FBXL2: variants seen among roughly 807,000 people sequenced by gnomAD.
The protein encoded by FBXL2 is F-box and leucine rich repeat protein 2.
FBXL2 carries 38 observed loss-of-function variants against 69.2 expected under a neutral mutation model. The ratio of observed to expected loss-of-function variants is 0.55; its 90% CI spans 0.42 to 0.72. The LOEUF (loss-of-function observed/expected upper bound fraction) is 0.72. FBXL2 is among the 30% of genes least tolerant of loss of function. FBXL2 has a pLI of 0.00. For synonymous variants in FBXL2, 192 were observed against 201.3 expected (o/e 0.95, Z 0.39); for missense variants, 354 against 520.3 (o/e 0.68, Z 3.11).
intron 12 of FBXL2, among the ~76,000 whole-genome samples, chr3:33,395,826 T>G (rs1470066168): frequency 1.4e-5 from 2 of 147,862 alleles, no homozygotes; most frequent in East Asian, 3.9e-4. Context: ...CAGTGTTATA[T>G]TCATCATTTC....
intron 5 of FBXL2, among the ~76,000 whole-genome samples, chr3:33,369,953 A>C (rs1331817809): frequency 6.6e-6 from 1 of 152,160 alleles, no homozygotes; most frequent in Admixed American, 6.5e-5. Context: ...TATACACCCA[A>C]GTAGTTGCTA....
At chr3:33,357,497 C>T (rs1325623635) in intron 2 of FBXL2, among the ~76,000 whole-genome samples, 1 of 150,462 alleles carries the variant, frequency 6.6e-6, no homozygotes, top group African/African-American at 2.4e-5. Flanking sequence ...ATTTTAGCCA[C>T]CAGCATTTTT....
At chr3:33,322,244 A>G (rs886351968) in intron 2 of FBXL2, among the ~76,000 whole-genome samples, 1 of 151,610 alleles carries the variant, frequency 6.6e-6, no homozygotes, top group African/African-American at 2.4e-5. Flanking sequence ...TGCCTGGCTA[A>G]TTCTTTTATA....
chr3:33,392,963 T>A (rs905504639), downstream of FBXL2: 4 of 313,650 alleles, frequency 1.3e-5, no homozygotes, highest in Admixed American at 4.9e-5. Flanking sequence ...ATATCTTACA[T>A]GTTTTTTTAA....
chr3:33,297,884 G>C (rs1237042667), intron 2 of FBXL2, 159 bp downstream of exon 2: 1 of 665,222 alleles, frequency 1.5e-6, no homozygotes, highest in Non-Finnish European at 2.8e-6. Context: ...TGTTCAGCTT[G>C]TTGTTAAATT....
At chr3:33,396,276 C>G in intron 12 of FBXL2, 1 of 1,575,310 alleles carries the variant, frequency 6.3e-7, no homozygotes, top group Non-Finnish European at 8.7e-7. Flanking sequence ...CGGGGTCTAA[C>G]CGACCTGCAA....
chr3:33,374,648 C>G (rs17805850), intron 9 of FBXL2, among the ~76,000 whole-genome samples: 1 of 152,102 alleles, frequency 6.6e-6, no homozygotes, highest in Non-Finnish European at 1.5e-5. Flanking sequence ...CCTTGACTTA[C>G]GTGTAGCATA....
intron 2 of FBXL2, among the ~76,000 whole-genome samples, chr3:33,314,239 C>A (rs1359145900): frequency 6.6e-6 from 1 of 152,152 alleles, no homozygotes; most frequent in African/African-American, 2.4e-5. Flanking sequence ...AATGACACAT[C>A]TGTCACCACT....
chr3:33,416,021 A>ATCCACAGAGGGCAGGTCTT, the FBXL2 span: 1 of 152,204 alleles, frequency 6.6e-6, no homozygotes, highest in Non-Finnish European at 1.5e-5. Flanking sequence ...AAAAAGGCAG[A>ATCCACAGAGGGCAGGTCTT]TCCACAGAGG....
chr3:33,339,553 TGGAGGGTAAGA>T (rs889386785), intron 2 of FBXL2, among the ~76,000 whole-genome samples: 5 of 152,012 alleles, frequency 3.3e-5, no homozygotes, highest in African/African-American at 1.2e-4. Context: ...CTTCTTGGGG[TGGAGGGTAAGA>T]GGAGGGTGAG....
In FBXL2 at chr3:33,327,867, G is replaced by A. The variant is rs528698326; in HGVS notation, c.65+30142G>A. Among the ~76,000 whole-genome samples, 17 of 150,388 alleles carry A rather than the reference G, an allele frequency of 1.1e-4. No homozygotes were observed. In the South Asian group the frequency reaches 3.6e-3, roughly 32 times the overall value. ...CAGTGCAATAATTAGGCAAAAGAAA[G>A]AAAGGGCATCCAAATTGGAAAGGAA... On this transcript the variant is annotated intron_variant, in intron 2 of 14. Coordinates refer to ENST00000484457, the MANE Select transcript of FBXL2 (RefSeq NM_012157.5).
chr3:33,372,840 G>A, intron 5 of FBXL2: 1 of 582,436 alleles, frequency 1.7e-6, no homozygotes, highest in South Asian at 2.1e-5. Flanking sequence ...GGTAGTCTAG[G>A]ACTCTGCTTC....
the FBXL2 span, chr3:33,411,446 C>G: frequency 1.4e-6 from 1 of 696,532 alleles, no homozygotes; most frequent in South Asian, 2.0e-5. Context: ...TTAAACCTAA[C>G]TATGTATATA....
chr3:33,370,257 A>G (rs2042204611), intron 5 of FBXL2, among the ~76,000 whole-genome samples: 1 of 151,856 alleles, frequency 6.6e-6, no homozygotes, highest in Non-Finnish European at 1.5e-5. Flanking sequence ...TACTAAAAAT[A>G]CAAAAAAAAA....
chr3:33,385,058 C>A (rs1324046958), intron 14 of FBXL2, among the ~76,000 whole-genome samples: 1 of 152,090 alleles, frequency 6.6e-6, no homozygotes, highest in African/African-American at 2.4e-5. Context: ...ATGGTAAAGG[C>A]AAGCAATTTA....
intron 2 of FBXL2, among the ~76,000 whole-genome samples, chr3:33,323,976 C>G (rs1479874900): frequency 6.6e-6 from 1 of 152,274 alleles, no homozygotes; most frequent in East Asian, 1.9e-4. Flanking sequence ...CTGTTGTTTC[C>G]TGACTTTTTA....
At chr3:33,304,905 G>A (rs2036584526) in intron 2 of FBXL2, among the ~76,000 whole-genome samples, 1 of 151,900 alleles carries the variant, frequency 6.6e-6, no homozygotes, top group Non-Finnish European at 1.5e-5. Context: ...GTAATGTTGA[G>A]CATCTGTTCA....
rs932897820 is a variant in FBXL2 at position 33,371,500 on chromosome 3, T to C, written c.291-1592T>C. Among the ~76,000 whole-genome samples, 6 of 152,036 alleles carry C rather than the reference T, an allele frequency of 3.9e-5. No individual in the cohort carries two copies. In the South Asian group the frequency reaches 1.0e-3, roughly 26 times the overall value. ...TTCATATCTAAAAGTTTAACTTGGA[T>C]CTCTTATTTTTCCATGTGTCTACAT... On this transcript the variant is annotated intron_variant, in intron 5 of 14. Transcript: ENST00000484457.
At chr3:33,374,958 A>G (rs2042541684) in intron 9 of FBXL2, among the ~76,000 whole-genome samples, 1 of 152,170 alleles carries the variant, frequency 6.6e-6, no homozygotes. Flanking sequence ...TTAAATTATG[A>G]GTTTATAAAT....
Sources: gnomAD v4.1 joint callset for allele counts (sites outside exome capture counted in the v4.1 genomes callset) on GRCh38, gnomAD v4.1.1 for gene constraint, MANE v1.5 for transcripts, NCBI Gene and HGNC (gene_info 2026-07-23, HGNC 2026-07-21) for gene names.